Variants in KCNK1 observed in about 807,000 individuals in gnomAD.
KCNK1 encodes potassium two pore domain channel subfamily K member 1.
KCNK1 carries 10 observed loss-of-function variants against 22.2 expected under a neutral mutation model. That is an observed-to-expected ratio of 0.45 (90% CI 0.28 to 0.76). KCNK1 has a LOEUF of 0.76. Ranked by LOEUF, KCNK1 falls within the 30% of genes least tolerant of loss-of-function variation. The pLI is 0.14. For synonymous variants in KCNK1, 200 were observed against 186.4 expected, an observed-to-expected ratio of 1.07 and a Z score of -0.60; for missense variants, 378 against 421.0, an observed-to-expected ratio of 0.90 and a Z score of 0.89.
chr1:233,668,145 T>A (rs1658532175), intron 2 of KCNK1, among the ~76,000 whole-genome samples: 1 of 152,224 alleles, frequency 6.6e-6, no homozygotes, highest in Non-Finnish European at 1.5e-5. Context: ...ATGCACACAG[T>A]TGCAGTTATA....
chr1:233,653,794 G>GC (rs1429421205), intron 1 of KCNK1, among the ~76,000 whole-genome samples: 3 of 151,930 alleles, frequency 2.0e-5, no homozygotes, highest in Admixed American at 2.0e-4. Flanking sequence ...AATTGGATAA[G>GC]CCAATTCCCA....
chr1:233,655,084 C>T (rs11582271), intron 1 of KCNK1, among the ~76,000 whole-genome samples: 29,127 of 152,156 alleles, frequency 0.19, 2,976 homozygotes, highest in Admixed American at 0.26. Context: ...AGGGCCACCA[C>T]GCCCGTGGGT....
chr1:233,662,062 C>T (rs1328055087), intron 1 of KCNK1: 4 of 152,202 alleles, frequency 2.6e-5, no homozygotes, highest in African/African-American at 9.7e-5. Flanking sequence ...TGTGGTCTAC[C>T]TCCAGGGCCA....
chr1:233,637,857 C>A (rs941455836), intron 1 of KCNK1, among the ~76,000 whole-genome samples: 1 of 151,990 alleles, frequency 6.6e-6, no homozygotes, highest in Non-Finnish European at 1.5e-5. Flanking sequence ...ATATTTAAAA[C>A]CCTTAAGACC....
chr1:233,662,271 T>TC (rs1553267165), intron 1 of KCNK1, among the ~76,000 whole-genome samples: 1 of 67,106 alleles, frequency 1.5e-5, no homozygotes, highest in East Asian at 4.8e-4. Flanking sequence ...TTCTTCTTCT[T>TC]CTCCTCCTCC....
At chr1:233,615,008 G>A (rs574170221) in intron 1 of KCNK1, among the ~76,000 whole-genome samples, 8 of 152,368 alleles carry the variant, frequency 5.3e-5, no homozygotes, top group African/African-American at 1.9e-4. Flanking sequence ...GCTGCAGTCT[G>A]GTAATAATAC....
rs1367431257 is a variant in KCNK1 at position 233,671,882 on chromosome 1, T to C, written c.*352T>C. ...AACTTTGGGGTTTGCATTTAGATCA[T>C]TTAGCTGATGGCTAAATAGCAAAAT... On this transcript the variant is annotated 3_prime_UTR_variant, in exon 3 of 3. Transcript: ENST00000366621. 3 of 206,546 alleles carry C rather than the reference T, an allele frequency of 1.5e-5. No individual in the cohort carries two copies. The highest frequency in any genetic ancestry group is 2.9e-5 in the Non-Finnish European group (3 of 102,640). 12.8% of individuals were successfully genotyped at this position (206,546 alleles called of 1,614,324 possible). A position where few individuals can be genotyped will look rare whatever the true frequency, so the allele number is the denominator to read the frequency against.
chr1:233,648,490 A>T (rs541954943), intron 1 of KCNK1, among the ~76,000 whole-genome samples: 1 of 151,634 alleles, frequency 6.6e-6, no homozygotes, highest in African/African-American at 2.4e-5. Flanking sequence ...TAACCATGAG[A>T]TGCTGTAGTA....
intron 1 of KCNK1, chr1:233,660,761 G>A (rs1658375893): frequency 6.6e-6 from 1 of 152,160 alleles, no homozygotes; most frequent in Admixed American, 6.5e-5. Flanking sequence ...CAGCTTCACG[G>A]AACCACAGGA....
chr1:233,641,642 G>T (rs1428825689), intron 1 of KCNK1, among the ~76,000 whole-genome samples: 1 of 152,148 alleles, frequency 6.6e-6, no homozygotes, highest in African/African-American at 2.4e-5. Context: ...CTGTGCTGGG[G>T]TCAGGGAGGA....
At chr1:233,654,202 G>C (rs192948228) in intron 1 of KCNK1, among the ~76,000 whole-genome samples, 46 of 151,822 alleles carry the variant, frequency 3.0e-4, no homozygotes, top group African/African-American at 6.5e-4. Flanking sequence ...CCATCGGGGT[G>C]GGGGGGAAAG....
At chr1:233,670,918 G>A (rs1658585433) in intron 2 of KCNK1, among the ~76,000 whole-genome samples, 1 of 152,274 alleles carries the variant, frequency 6.6e-6, no homozygotes, top group African/African-American at 2.4e-5. Flanking sequence ...AGCAGAGGTG[G>A]CAAACCCTCC....
chr1:233,668,210 G>A (rs902847552), intron 2 of KCNK1, among the ~76,000 whole-genome samples: 3 of 151,924 alleles, frequency 2.0e-5, no homozygotes, highest in African/African-American at 7.3e-5. Flanking sequence ...TTCAATTTAC[G>A]ACTTGGCTCA....
At chr1:233,627,097 T>C (rs745584323) in intron 1 of KCNK1, among the ~76,000 whole-genome samples, 2 of 152,164 alleles carry the variant, frequency 1.3e-5, no homozygotes, top group African/African-American at 2.4e-5. Context: ...TTTGTACTGA[T>C]GGGAGGATTT....
chr1:233,633,201 T>C (rs760371242), intron 1 of KCNK1, among the ~76,000 whole-genome samples: 3 of 150,478 alleles, frequency 2.0e-5, no homozygotes, highest in South Asian at 2.1e-4. Flanking sequence ...CTGAGAAATC[T>C]ATCCCATACT....
At chr1:233,667,468 C>T (rs906921790) in intron 2 of KCNK1, among the ~76,000 whole-genome samples, 5 of 152,188 alleles carry the variant, frequency 3.3e-5, no homozygotes, top group South Asian at 2.1e-4. Flanking sequence ...CGGTGGCTCA[C>T]GCCTGTAATC....
At chr1:233,626,672 G>C (rs1657695122) in intron 1 of KCNK1, among the ~76,000 whole-genome samples, 1 of 152,118 alleles carries the variant, frequency 6.6e-6, no homozygotes. Context: ...GGGCTGATCT[G>C]CCATTTAATG....
intron 1 of KCNK1, among the ~76,000 whole-genome samples, chr1:233,641,843 T>C (rs2102895614): frequency 6.6e-6 from 1 of 152,238 alleles, no homozygotes; most frequent in East Asian, 1.9e-4. Context: ...AACAACAAAT[T>C]CAAGGCAAGT....
At chr1:233,653,925 CT>C (rs1658244610) in intron 1 of KCNK1, among the ~76,000 whole-genome samples, 1 of 151,948 alleles carries the variant, frequency 6.6e-6, no homozygotes, top group African/African-American at 2.4e-5. Context: ...GTGGAAGTGG[CT>C]TTGGAAATGG....
Sources: allele counts gnomAD v4.1 joint callset (sites outside exome capture counted in the v4.1 genomes callset), GRCh38; gene constraint gnomAD v4.1.1; transcripts MANE v1.5; gene names NCBI Gene and HGNC (gene_info 2026-07-23, HGNC 2026-07-21).